Variants in U2AF2 observed in about 807,000 individuals in gnomAD.
U2AF2 encodes the protein U2 small nuclear RNA auxiliary factor 2, also known as splicing factor U2AF 65 kDa subunit.
U2AF2 carries 6 observed loss-of-function variants against 52.6 expected under a neutral mutation model. The ratio of observed to expected loss-of-function variants is 0.11; its 90% confidence interval spans 0.06 to 0.23. The LOEUF (loss-of-function observed/expected upper bound fraction) is 0.23, where lower values mean the gene tolerates loss of function less well. U2AF2 is among the 10% of genes least tolerant of loss of function. The probability of loss-of-function intolerance (pLI) is 1.00; values close to 1 mark genes in which losing one functional copy is unlikely to be tolerated. For synonymous variants in U2AF2, 284 were observed against 258.2 expected, an observed-to-expected ratio of 1.10 and a Z score of -0.96; for missense variants, 222 against 677.1, an observed-to-expected ratio of 0.33 and a Z score of 7.46.
Position 55,674,075 on chromosome 19 carries a change from C to T in U2AF2, c.*7C>T. On this transcript the variant is annotated 3_prime_UTR_variant, in exon 12 of 12. Transcript: ENST00000308924. The stretch of plus-strand genomic sequence containing the variant: ...CCGCCGGGACTTCTGGTAGAGGCGG[C>T]TGGGGGAGGGTGGGGGCAGGGCTGG... 1 of 892,630 alleles carries T rather than the reference C, an allele frequency of 1.1e-6. No individual in the cohort carries two copies. Among genetic ancestry groups the T allele is most frequent in the Non-Finnish European group, 1.7e-6 (1 of 596,176 alleles). The allele number at this position is 892,630 out of a possible 1,614,324, so 55.3% of individuals were successfully genotyped here.
intron 5 of U2AF2, 48 bp downstream of exon 5, chr19:55,661,237 G>A (rs754399105): frequency 1.4e-5 from 20 of 1,418,688 alleles, no homozygotes; most frequent in East Asian, 5.6e-5. Flanking sequence ...CCTCTACCCC[G>A]TTCCTCCCCT....
intron 7 of U2AF2, among the ~76,000 whole-genome samples, chr19:55,665,260 C>T (rs1984474233): frequency 6.6e-6 from 1 of 152,104 alleles, no homozygotes. Context: ...TCCTAAGTGC[C>T]CTCCATGCAC....
rs897953877 is a variant in U2AF2, at chr19:55,668,379, C to T, written c.743-128C>T. 45 of 917,488 alleles carry T rather than the reference C, an allele frequency of 4.9e-5. No individual in the cohort carries two copies. Among genetic ancestry groups the T allele is most frequent in the Middle Eastern group, 5.7e-4 (2 of 3,488 alleles). The allele number at this position is 917,488 out of a possible 1,614,324, so 56.8% of individuals were successfully genotyped here. ...AGGCTGGGGTGGGGTGGGCACGTGGCGACCCCTCCCTCGTCAGATCAGGCA... is the reference window on the plus strand; with the variant it reads ...AGGCTGGGGTGGGGTGGGCACGTGGTGACCCCTCCCTCGTCAGATCAGGCA... On this transcript the variant is annotated intron_variant, in intron 7 of 11. Transcript: ENST00000308924. The surrounding 1 kb of genome is among the most constrained non-coding windows in gnomAD (Gnocchi z 5.5).
At position 55,655,164 on chromosome 19, in the gene U2AF2, C is replaced by A; in HGVS notation, c.49+11C>A. The A allele has an allele frequency of 6.2e-7, 1 of 1,601,294 alleles. No homozygotes were observed. The highest frequency in any genetic ancestry group is 8.5e-7 in the Non-Finnish European group (1 of 1,175,050). On this transcript the variant is annotated intron_variant, in intron 1 of 11. Transcript: ENST00000308924. ...ACGAGAATAAACAAGGTGAGGGCAC[C>A]GGGGTCGCGGGGCGGAGGTGTGGGC...
chr19:55,663,891 T>A lies in U2AF2; in HGVS notation c.742+147T>A, dbSNP rs535185855. ...CTTTTCCCTGCTTCCCCTAAGTCTC[T>A]GTGAGTGGGGTGCTCTCCTGCTGGT... On this transcript the variant is annotated intron_variant, in intron 7 of 11. Coordinates refer to ENST00000308924, the MANE Select transcript of U2AF2 (RefSeq NM_007279.3). 184 of 1,219,916 alleles carry A rather than the reference T, an allele frequency of 1.5e-4. 1 individual carries two copies. The South Asian group carries it at 2.7e-3, about 18-fold the overall frequency. The allele number at this position is 1,219,916 out of a possible 1,614,324, so 75.6% of individuals were successfully genotyped here. A position where few individuals can be genotyped will look rare whatever the true frequency, so the allele number is the denominator to read the frequency against.
intron 2 of U2AF2, 25 bp from the exon 3 acceptor site, chr19:55,660,152 C>CA: frequency 6.3e-7 from 1 of 1,590,644 alleles, no homozygotes; most frequent in Non-Finnish European, 8.6e-7. Flanking sequence ...CACCCCTCCC[C>CA]ATACCTTTCC....
At chr19:55,669,052 C>T in intron 9 of U2AF2, 31 bp from the exon 10 acceptor site, 1 of 1,605,180 alleles carries the variant, frequency 6.2e-7, no homozygotes, top group East Asian at 2.2e-5. Context: ...CCTCTCCCCG[C>T]ACCCCCCGAC....
At chr19:55,663,963 A>G (rs537370113) in intron 7 of U2AF2, 107 of 610,970 alleles carry the variant, frequency 1.8e-4, no homozygotes, top group African/African-American at 1.7e-3. Context: ...CCTGCTGAGG[A>G]CACACAGCTT....
intron 1 of U2AF2, chr19:55,658,766 T>G: frequency 6.4e-6 from 1 of 156,948 alleles, no homozygotes; most frequent in East Asian, 1.9e-4. Context: ...CTAGTCCTGA[T>G]GGTGGGGCTG....
chr19:55,673,037 A>G (rs114554899), intron 11 of U2AF2, among the ~76,000 whole-genome samples: 2,651 of 151,230 alleles, frequency 0.018, 80 homozygotes, highest in African/African-American at 0.061. Flanking sequence ...TCACCTCCCG[A>G]GTTAAAGAAG....
intron 7 of U2AF2, among the ~76,000 whole-genome samples, chr19:55,667,002 G>A (rs543318748): frequency 9.9e-5 from 15 of 152,168 alleles, no homozygotes; most frequent in Non-Finnish European, 1.9e-4. Flanking sequence ...CTTACAGGAT[G>A]CCTGGCCCAT....
At position 55,655,055 on chromosome 19, in the gene U2AF2, G is replaced by T. The variant is rs746411456; in HGVS notation, c.-50G>T. On this transcript the variant is annotated 5_prime_UTR_variant, in exon 1 of 12. Transcript: ENST00000308924. ...GAAGTAGCCGAAGCGGCTGGAGCGG[G>T]CGGCAAGGCGAGGCGAAAGCTGCAC... is the stretch of plus-strand genomic sequence containing the variant. 6.2e-7 allele frequency: 1 copy of T among 1,600,464 alleles called. No individual in the cohort carries two copies. Among genetic ancestry groups the T allele is most frequent in the South Asian group, 1.1e-5 (1 of 90,258 alleles).
At chr19:55,673,541 C>T (rs1985066434) in intron 11 of U2AF2, among the ~76,000 whole-genome samples, 1 of 152,112 alleles carries the variant, frequency 6.6e-6, no homozygotes. Context: ...CCTTAGTTCA[C>T]TTATTGTTGG....
chr19:55,659,497 T>G (rs918234326), intron 2 of U2AF2, 152 bp downstream of exon 2: 3 of 1,075,522 alleles, frequency 2.8e-6, no homozygotes, highest in Non-Finnish European at 3.6e-6. Context: ...GATCTACTGC[T>G]TGGTCTGTCT....
At chr19:55,660,066 C>T (rs1257588024) in intron 2 of U2AF2, 111 bp from the exon 3 acceptor site, 8 of 968,450 alleles carry the variant, frequency 8.3e-6, no homozygotes, top group Non-Finnish European at 1.2e-5. Flanking sequence ...TGCTTGTTGA[C>T]CTCGGCCCTG....
chr19:55,665,356 A>T (rs890897370), intron 7 of U2AF2, among the ~76,000 whole-genome samples: 4 of 142,708 alleles, frequency 2.8e-5, no homozygotes, highest in African/African-American at 5.3e-5. Flanking sequence ...GCGCTGTCCT[A>T]AGTGCCCTCC....
At chr19:55,666,539 A>G (rs1162238768) in intron 7 of U2AF2, among the ~76,000 whole-genome samples, 1 of 152,220 alleles carries the variant, frequency 6.6e-6, no homozygotes, top group African/African-American at 2.4e-5. Flanking sequence ...AGTCTGGCAG[A>G]TGCCCGGGCC....
chr19:55,660,588 C>T lies in U2AF2; in HGVS notation c.303C>T (p.His101=). ...YWDVPPPGFE[H]ITPMQYKAMQ... ...ACGTGCCACCCCCAGGCTTTGAGCA[C>T]ATCACCCCAATGCAGTACAAGGCCA... Residue 101 remains histidine, a synonymous_variant, in exon 4 of 12, where the codon CAC becomes CAT. Coordinates refer to ENST00000308924, the MANE Select transcript of U2AF2 (RefSeq NM_007279.3). The T allele has an allele frequency of 6.2e-7, 1 of 1,613,060 alleles. No homozygotes were observed. The highest frequency in any genetic ancestry group is 8.5e-7 in the Non-Finnish European group (1 of 1,179,780).
chr19:55,660,289 C>T, intron 3 of U2AF2, 68 bp downstream of exon 3: 6 of 1,540,440 alleles, frequency 3.9e-6, no homozygotes, highest in South Asian at 2.4e-5. Flanking sequence ...GCCCGTGCAC[C>T]CTGTCCCGCC....
Sources: gnomAD v4.1 joint callset for allele counts (sites outside exome capture counted in the v4.1 genomes callset) on GRCh38, gnomAD v4.1.1 for gene constraint, Gnocchi (gnomAD v3.1) non-coding constraint, MANE v1.5 for transcripts, NCBI Gene and HGNC (gene_info 2026-07-23, HGNC 2026-07-21) for gene names.